Variants in GPC6 observed in about 807,000 individuals in gnomAD.
The protein encoded by GPC6 is glypican 6, also known as glypican-6.
In GPC6, 14 loss-of-function variants were observed where a neutral mutation model predicts 55.2. That is an observed-to-expected ratio of 0.25 (90% CI 0.17 to 0.40). The LOEUF (loss-of-function observed/expected upper bound fraction) is 0.40. GPC6 is among the 10% of genes least tolerant of loss of function. The pLI is 1.00. For synonymous variants in GPC6, 278 were observed against 259.6 expected (o/e 1.07, Z -0.68); for missense variants, 641 against 708.5 (o/e 0.90, Z 1.08).
At chr13:93,232,789 T>C (rs1305798956) in intron 1 of GPC6, among the ~76,000 whole-genome samples, 1 of 152,168 alleles carries the variant, frequency 6.6e-6, no homozygotes, top group Non-Finnish European at 1.5e-5. Context: ...TGAGTAGTTC[T>C]AACCTAAAAT....
Position 93,838,471 on chromosome 13 carries a change from T to C in GPC6, c.711+7926T>C, listed in dbSNP as rs562824706. 4.6e-5 allele frequency among the ~76,000 whole-genome samples: 7 copies of C among 152,338 alleles called. No homozygotes were observed. In the South Asian group the frequency reaches 1.4e-3, roughly 32 times the overall value. ...TAAATCATGAAATGTTATGGTTGTT[T>C]GGAAATGAGGCCGGGAAGTAGATTT... On this transcript the variant is annotated intron_variant, in intron 3 of 8. Coordinates refer to ENST00000377047, the MANE Select transcript of GPC6 (RefSeq NM_005708.5).
chr13:93,523,560 A>G (rs1881530894), intron 1 of GPC6, among the ~76,000 whole-genome samples: 1 of 138,840 alleles, frequency 7.2e-6, no homozygotes, highest in South Asian at 2.4e-4. Flanking sequence ...TAAGTTACGC[A>G]CTTCCTCATT....
chr13:94,278,142 G>A (rs570753896), intron 4 of GPC6, among the ~76,000 whole-genome samples: 36 of 152,052 alleles, frequency 2.4e-4, no homozygotes, highest in Middle Eastern at 3.4e-3. Context: ...TCCTTGACGC[G>A]GTCCTTCACA....
chr13:94,319,429 T>G (rs1315383883), intron 6 of GPC6, among the ~76,000 whole-genome samples: 1 of 152,234 alleles, frequency 6.6e-6, no homozygotes, highest in African/African-American at 2.4e-5. Context: ...ATGTTGTGTG[T>G]GTTTTACACA....
At chr13:93,592,525 A>G (rs901139929) in intron 2 of GPC6, among the ~76,000 whole-genome samples, 74 of 150,864 alleles carry the variant, frequency 4.9e-4, no homozygotes, top group Non-Finnish European at 9.3e-4. Context: ...CTGGGATTAC[A>G]GGTGTAGCCA....
At chr13:94,070,739 T>G (rs75560681) in intron 4 of GPC6, among the ~76,000 whole-genome samples, 1 of 152,192 alleles carries the variant, frequency 6.6e-6, no homozygotes, top group Non-Finnish European at 1.5e-5. Flanking sequence ...CTGAAAGTAG[T>G]CTGTTGCTAA....
chr13:93,234,392 G>A (rs928709381), intron 1 of GPC6, among the ~76,000 whole-genome samples: 3 of 152,100 alleles, frequency 2.0e-5, no homozygotes, highest in African/African-American at 7.2e-5. Context: ...ACTCACTACA[G>A]TGACTTTGGC....
chr13:93,871,902 A>G (rs1889143764), intron 3 of GPC6, among the ~76,000 whole-genome samples: 2 of 151,944 alleles, frequency 1.3e-5, no homozygotes, highest in Admixed American at 6.6e-5. Context: ...CAGTGTATTA[A>G]TGAAGATTTT....
intron 1 of GPC6, among the ~76,000 whole-genome samples, chr13:93,465,509 C>T (rs1878872105): frequency 6.6e-6 from 1 of 152,258 alleles, no homozygotes; most frequent in Non-Finnish European, 1.5e-5. Context: ...ATGAATCAAC[C>T]TTTGCTAGAT....
intron 7 of GPC6, among the ~76,000 whole-genome samples, chr13:94,387,907 A>C (rs1394054324): frequency 6.6e-6 from 1 of 152,184 alleles, no homozygotes; most frequent in African/African-American, 2.4e-5. Context: ...TAAACTGCCC[A>C]GTCTGTGGGA....
intron 1 of GPC6, among the ~76,000 whole-genome samples, chr13:93,399,883 T>G (rs1381084493): frequency 6.6e-6 from 1 of 152,230 alleles, no homozygotes; most frequent in Non-Finnish European, 1.5e-5. Context: ...TCTACAAGCT[T>G]CTTTTAGCTC....
At chr13:93,883,194 TA>T (rs1875102616) in intron 3 of GPC6, among the ~76,000 whole-genome samples, 2 of 150,848 alleles carry the variant, frequency 1.3e-5, no homozygotes, top group Non-Finnish European at 1.5e-5. Context: ...GCATGATCAA[TA>T]GTAAAATTGT....
At chr13:94,209,127 A>G (rs1189598302) in intron 4 of GPC6, among the ~76,000 whole-genome samples, 7 of 152,130 alleles carry the variant, frequency 4.6e-5, no homozygotes, top group Non-Finnish European at 1.0e-4. Flanking sequence ...CACTTGTCAA[A>G]TATCCCAAGA....
chr13:94,144,918 CTAGT>C (rs1376869487), intron 4 of GPC6, among the ~76,000 whole-genome samples: 1 of 151,970 alleles, frequency 6.6e-6, no homozygotes, highest in Non-Finnish European at 1.5e-5. Context: ...GAACCAGGCC[CTAGT>C]TAAACAGGGG....
At chr13:93,399,687 T>C (rs1393796426) in intron 1 of GPC6, among the ~76,000 whole-genome samples, 1 of 152,226 alleles carries the variant, frequency 6.6e-6, no homozygotes, top group Non-Finnish European at 1.5e-5. Context: ...GTCCAGAGAC[T>C]GTGCAACCAC....
intron 4 of GPC6, among the ~76,000 whole-genome samples, chr13:94,211,767 A>G (rs1466657792): frequency 6.6e-6 from 1 of 152,212 alleles, no homozygotes; most frequent in Non-Finnish European, 1.5e-5. Context: ...GGTCATTCTC[A>G]TGGCCCTATT....
At chr13:93,698,196 G>T (rs1882527508) in intron 2 of GPC6, among the ~76,000 whole-genome samples, 2 of 152,006 alleles carry the variant, frequency 1.3e-5, no homozygotes, top group Admixed American at 1.3e-4. Flanking sequence ...GTATGCTTTG[G>T]ATGACACAAC....
intron 4 of GPC6, among the ~76,000 whole-genome samples, chr13:94,274,413 A>G (rs1410124717): frequency 6.6e-6 from 1 of 152,022 alleles, no homozygotes; most frequent in East Asian, 1.9e-4. Flanking sequence ...TCCCTGTTTT[A>G]TTTTTGAATC....
At chr13:93,251,876 C>G (rs762819737) in intron 1 of GPC6, among the ~76,000 whole-genome samples, 1 of 152,176 alleles carries the variant, frequency 6.6e-6, no homozygotes, top group Non-Finnish European at 1.5e-5. Context: ...AAATGTCAAA[C>G]AGCAAATCTT....
Sources: gnomAD v4.1 joint callset for allele counts (sites outside exome capture counted in the v4.1 genomes callset) on GRCh38, gnomAD v4.1.1 for gene constraint, MANE v1.5 for transcripts, NCBI Gene and HGNC (gene_info 2026-07-23, HGNC 2026-07-21) for gene names.